PPP1R16B: variants seen among roughly 807,000 people sequenced by gnomAD.
The protein encoded by PPP1R16B is protein phosphatase 1 regulatory inhibitor subunit 16B.
In PPP1R16B, 14 loss-of-function variants were observed where a neutral mutation model predicts 61.7. The observed-to-expected ratio is 0.23, with a 90% CI of 0.15 to 0.35. The LOEUF is 0.35. Among genes scored for constraint, PPP1R16B ranks in the 10% least tolerant of loss-of-function variants. The pLI, the probability that PPP1R16B is intolerant of heterozygous loss-of-function variation, is 1.00. For missense variants in PPP1R16B, 547 were observed against 752.5 expected (o/e 0.73, Z 3.19); for synonymous variants, 266 against 305.3 (o/e 0.87, Z 1.34).
chr20:38,911,186 A>G (rs1367291487), intron 10 of PPP1R16B, among the ~76,000 whole-genome samples: 35 of 104,948 alleles, frequency 3.3e-4, no homozygotes, highest in African/African-American at 1.3e-3. Context: ...TTTTTTTTTG[A>G]GATGGAGTCT....
intron 2 of PPP1R16B, among the ~76,000 whole-genome samples, chr20:38,866,142 AAAAT>A (rs920462803): frequency 9.2e-5 from 14 of 152,238 alleles, no homozygotes; most frequent in African/African-American, 3.4e-4. Context: ...AAAAAAATTA[AAAAT>A]AAATAAATAA....
intron 3 of PPP1R16B, among the ~76,000 whole-genome samples, chr20:38,893,647 AGAG>A (rs1252283273): frequency 2.6e-5 from 4 of 152,120 alleles, no homozygotes; most frequent in African/African-American, 7.2e-5. Context: ...CGGCCGCAGC[AGAG>A]GAGGAGGCCC....
chr20:38,808,477 C>T (rs1048629367), intron 1 of PPP1R16B, among the ~76,000 whole-genome samples: 3 of 152,138 alleles, frequency 2.0e-5, no homozygotes, highest in African/African-American at 7.2e-5. Context: ...GGAAAACCTT[C>T]ACTGTCCTGA....
intron 2 of PPP1R16B, among the ~76,000 whole-genome samples, chr20:38,849,559 A>T (rs1227606763): frequency 6.6e-6 from 1 of 152,146 alleles, no homozygotes; most frequent in Non-Finnish European, 1.5e-5. Context: ...AGTTTCCATT[A>T]GCTTTTTGGG....
rs184139987 is a variant in PPP1R16B, at chr20:38,910,684, C to T, written c.1194+2491C>T. The stretch of plus-strand genomic sequence containing the variant: ...GGGTAGCTGGGACTATAGGCATGCA[C>T]CACCATGCCTGGCTAATTAAAAAAA... On this transcript the variant is annotated intron_variant, in intron 10 of 10. Coordinates refer to ENST00000299824, the MANE Select transcript of PPP1R16B (RefSeq NM_015568.4). Among the ~76,000 whole-genome samples the T allele has an allele frequency of 4.6e-5, 7 of 151,928 alleles. No homozygotes were observed. The East Asian group carries it at 1.4e-3, about 29-fold the overall frequency.
intron 1 of PPP1R16B, among the ~76,000 whole-genome samples, chr20:38,827,501 G>A (rs1033218821): frequency 6.6e-6 from 1 of 152,204 alleles, no homozygotes; most frequent in Non-Finnish European, 1.5e-5. Context: ...GGCTTCAGGG[G>A]ACAGTGACAA....
intron 1 of PPP1R16B, among the ~76,000 whole-genome samples, chr20:38,818,264 C>T (rs1189066548): frequency 6.6e-6 from 1 of 152,128 alleles, no homozygotes; most frequent in African/African-American, 2.4e-5. Context: ...GGATTAAAGT[C>T]AATTTATGCA....
intron 1 of PPP1R16B, among the ~76,000 whole-genome samples, chr20:38,812,240 T>C (rs2084705607): frequency 6.6e-6 from 1 of 152,218 alleles, no homozygotes; most frequent in African/African-American, 2.4e-5. Context: ...CCCATGTAGA[T>C]ACAGGACCCG....
chr20:38,894,272 A>T (rs2085317004), intron 3 of PPP1R16B, among the ~76,000 whole-genome samples: 1 of 151,914 alleles, frequency 6.6e-6, no homozygotes, highest in Non-Finnish European at 1.5e-5. Flanking sequence ...GCCCCATCCC[A>T]CGCCTACACC....
intron 2 of PPP1R16B, among the ~76,000 whole-genome samples, chr20:38,843,728 T>G (rs2145724825): frequency 6.6e-6 from 1 of 152,150 alleles, no homozygotes; most frequent in Non-Finnish European, 1.5e-5. Context: ...CACCACATGT[T>G]AACATAAATA....
At chr20:38,816,390 C>A (rs1053397669) in intron 1 of PPP1R16B, among the ~76,000 whole-genome samples, 1 of 152,204 alleles carries the variant, frequency 6.6e-6, no homozygotes, top group Non-Finnish European at 1.5e-5. Flanking sequence ...CATAAATAGG[C>A]TGTTTACCAC....
chr20:38,902,092 G>A (rs1041268558), intron 5 of PPP1R16B, among the ~76,000 whole-genome samples: 4 of 152,212 alleles, frequency 2.6e-5, no homozygotes, highest in Admixed American at 2.6e-4. Flanking sequence ...GTAGCTGTCA[G>A]TAACACACTT....
rs2085338124 is a variant in PPP1R16B at position 38,895,959 on chromosome 20, TCTTCTTTCTTCCCTCCCTCCCTCCTTC to T, written c.467+259_467+285del. Among the ~76,000 whole-genome samples the T allele has an allele frequency of 3.0e-4, 9 of 30,408 alleles. 1 individual carries two copies. In the South Asian group the frequency reaches 7.0e-3, roughly 24 times the overall value. The allele number at this position is 30,408 out of a possible 152,430, so 19.9% of individuals were successfully genotyped here. On this transcript the variant is annotated intron_variant, in intron 4 of 10. Coordinates refer to ENST00000299824, the MANE Select transcript of PPP1R16B (RefSeq NM_015568.4). Reference sequence around the variant, plus strand: ...TTCTTTCTTCCCTCCCTCCCTCCTTTCTTCTTTCTTCCCTCCCTCCCTCCTTCCTTCTTTCTCTCCTCCCTTCCCCCC... The same window carrying T: ...TTCTTTCTTCCCTCCCTCCCTCCTTTCTTCTTTCTCTCCTCCCTTCCCCCC...
rs941844486 is a variant in PPP1R16B at position 38,893,587 on chromosome 20, C to T, written c.322-1978C>T. Among the ~76,000 whole-genome samples, 9 of 147,470 alleles carry T rather than the reference C, an allele frequency of 6.1e-5. No individual in the cohort carries two copies. The South Asian group carries it at 6.7e-4, about 11-fold the overall frequency. ...TGGGAAGGGAGGAAGTGGGAGGAGG[C>T]GGGAGGAGGCGGGAGGAGGCGGCTG... On this transcript the variant is annotated intron_variant, in intron 3 of 10. Coordinates refer to ENST00000299824, the MANE Select transcript of PPP1R16B (RefSeq NM_015568.4).
chr20:38,833,027 G>C (rs1352858654), intron 1 of PPP1R16B, among the ~76,000 whole-genome samples: 1 of 152,088 alleles, frequency 6.6e-6, no homozygotes, highest in African/African-American at 2.4e-5. Flanking sequence ...TAGATGAATG[G>C]AACAGCCTTA....
rs35869936 is a variant in PPP1R16B at position 38,919,001 on chromosome 20, A to AACACAC, written c.*349_*354dup. 1.8e-4 allele frequency: 37 copies of AACACAC among 210,934 alleles called. No homozygotes were observed. The highest frequency in any genetic ancestry group is 4.8e-4 in the Admixed American group (9 of 18,588). The allele number at this position is 210,934 out of a possible 1,614,324, so 13.1% of individuals were successfully genotyped here. A position where few individuals can be genotyped will look rare whatever the true frequency, so the allele number is the denominator to read the frequency against. ...CGGATCAGTACATGCATGTCACATT[A>AACACAC]ACACACACACACACACACATATACA... is the stretch of plus-strand genomic sequence containing the variant. On this transcript the variant is annotated 3_prime_UTR_variant, in exon 11 of 11. Coordinates refer to ENST00000299824, the MANE Select transcript of PPP1R16B (RefSeq NM_015568.4).
intron 2 of PPP1R16B, among the ~76,000 whole-genome samples, chr20:38,872,162 G>C (rs539801383): frequency 2.6e-5 from 4 of 152,172 alleles, no homozygotes; most frequent in Non-Finnish European, 5.9e-5. Flanking sequence ...AGACTTCACC[G>C]GGTGGTGCCT....
rs777618355 is a variant in PPP1R16B at position 38,908,232 on chromosome 20, C to T, written c.1194+39C>T. ...CGCCCTGCCCTAGTGTCAGCCACTG[C>T]AATGGGAGGAGAACAGGGCCCAGCC... On this transcript the variant is annotated intron_variant, in intron 10 of 10. Coordinates refer to ENST00000299824, the MANE Select transcript of PPP1R16B (RefSeq NM_015568.4). 3.7e-6 allele frequency: 6 copies of T among 1,610,500 alleles called. No homozygotes were observed. In the South Asian group the frequency reaches 4.4e-5, roughly 12 times the overall value.
At chr20:38,832,954 C>T (rs1443121403) in intron 1 of PPP1R16B, among the ~76,000 whole-genome samples, 1 of 151,866 alleles carries the variant, frequency 6.6e-6, no homozygotes, top group Non-Finnish European at 1.5e-5. Context: ...TACCATATGC[C>T]TTATCACTTG....
Sources: gnomAD v4.1 joint callset for allele counts (sites outside exome capture counted in the v4.1 genomes callset) on GRCh38, gnomAD v4.1.1 for gene constraint, MANE v1.5 for transcripts, NCBI Gene and HGNC (gene_info 2026-07-23, HGNC 2026-07-21) for gene names.